The following VPS13B variants were observed in gnomAD, a reference collection of about 807,000 sequenced individuals.
VPS13B encodes the protein vacuolar protein sorting 13 homolog B.
A neutral mutation model predicts 426.4 loss-of-function variants in VPS13B; 285 were observed. That is an observed-to-expected ratio of 0.67 (90% CI 0.61 to 0.74). The LOEUF (loss-of-function observed/expected upper bound fraction) is 0.74, where lower values mean the gene tolerates loss of function less well. Among genes scored for constraint, VPS13B ranks in the 30% least tolerant of loss-of-function variants. The pLI, the probability that VPS13B is intolerant of heterozygous loss-of-function variation, is 0.00. For missense variants in VPS13B, 4,537 were observed against 4,782.6 expected (o/e 0.95, Z 1.51); for synonymous variants, 1,676 against 1,676.4 (o/e 1.00, Z 0.01).
At chr8:99,526,854 G>T (rs1190817975) in intron 30 of VPS13B, among the ~76,000 whole-genome samples, 2 of 152,106 alleles carry the variant, frequency 1.3e-5, no homozygotes, top group Admixed American at 1.3e-4. Flanking sequence ...TTGATAAAAT[G>T]TGGATTTTGA....
intron 17 of VPS13B, chr8:99,232,975 G>C (rs1816427739): frequency 1.4e-6 from 1 of 706,576 alleles, no homozygotes; most frequent in Non-Finnish European, 2.5e-6. Flanking sequence ...CTGGCTGGCT[G>C]TGTTTGGTCT....
At chr8:99,538,754 A>G (rs1439213033) in intron 30 of VPS13B, among the ~76,000 whole-genome samples, 1 of 152,172 alleles carries the variant, frequency 6.6e-6, no homozygotes, top group Non-Finnish European at 1.5e-5. Flanking sequence ...TATCTTACTT[A>G]TTGATTTCTT....
At chr8:99,738,380 T>C (rs1370396197) in intron 39 of VPS13B, among the ~76,000 whole-genome samples, 3 of 152,252 alleles carry the variant, frequency 2.0e-5, no homozygotes, top group Non-Finnish European at 4.4e-5. Flanking sequence ...AATCATGGTA[T>C]ATCTGTATAA....
chr8:99,508,361 G>A (rs1821611643), intron 28 of VPS13B, among the ~76,000 whole-genome samples: 1 of 152,146 alleles, frequency 6.6e-6, no homozygotes, highest in Admixed American at 6.5e-5. Flanking sequence ...TGATTAGGTA[G>A]ATGAACACAA....
intron 4 of VPS13B, among the ~76,000 whole-genome samples, chr8:99,096,929 C>T (rs1846457757): frequency 1.3e-5 from 2 of 152,076 alleles, no homozygotes; most frequent in African/African-American, 2.4e-5. Context: ...GTACTTTTAT[C>T]TTGAGACTCT....
At chr8:99,425,579 G>A (rs1200216811) in intron 21 of VPS13B, among the ~76,000 whole-genome samples, 3 of 152,112 alleles carry the variant, frequency 2.0e-5, no homozygotes, top group Non-Finnish European at 1.5e-5. Flanking sequence ...AATAATAAGA[G>A]CTATTTATGA....
intron 3 of VPS13B, among the ~76,000 whole-genome samples, chr8:99,068,424 G>A (rs1844660503): frequency 6.6e-6 from 1 of 152,122 alleles, no homozygotes; most frequent in Admixed American, 6.6e-5. Flanking sequence ...ATCAAACTAT[G>A]CCCCATGGGC....
chr8:99,503,791 G>T (rs1384509205), intron 27 of VPS13B, among the ~76,000 whole-genome samples: 1 of 152,116 alleles, frequency 6.6e-6, no homozygotes, highest in Non-Finnish European at 1.5e-5. Flanking sequence ...CCTCCAGTGA[G>T]GTCTTGAAAC....
rs1031328618 is a variant in VPS13B at position 99,871,019 on chromosome 8, G to A, written c.11495+132G>A. The A allele has an allele frequency of 1.8e-5, 16 of 912,450 alleles. No homozygotes were observed. In the African/African-American group the frequency reaches 2.5e-4, roughly 14 times the overall value. 56.5% of individuals were successfully genotyped at this position (912,450 alleles called of 1,614,324 possible). A position where few individuals can be genotyped will look rare whatever the true frequency, so the allele number is the denominator to read the frequency against. On this transcript the variant is annotated intron_variant, in intron 60 of 61. Coordinates refer to ENST00000357162, the MANE Select transcript of VPS13B (RefSeq NM_152564.5). ...GCCATTGTTGGCACTGGCATCTCAG[G>A]CAGCACAAGAGCACTGTAGAGGGAC...
At chr8:99,108,199 A>G (rs1165106979) in intron 5 of VPS13B, among the ~76,000 whole-genome samples, 1 of 152,176 alleles carries the variant, frequency 6.6e-6, no homozygotes, top group African/African-American at 2.4e-5. Flanking sequence ...ATGGCTATGT[A>G]GTATTCGATG....
At chr8:99,814,840 A>G (rs1813928524) in intron 44 of VPS13B, among the ~76,000 whole-genome samples, 1 of 152,172 alleles carries the variant, frequency 6.6e-6, no homozygotes, top group African/African-American at 2.4e-5. Context: ...TTATGTTATA[A>G]AGAGCAGCCC....
At chr8:99,608,639 A>G (rs905282158) in intron 33 of VPS13B, among the ~76,000 whole-genome samples, 1 of 152,146 alleles carries the variant, frequency 6.6e-6, no homozygotes, top group African/African-American at 2.4e-5. Context: ...AAGAAACCTC[A>G]TAACTACCCC....
chr8:99,381,894 A>C (rs1218876341), intron 19 of VPS13B, among the ~76,000 whole-genome samples: 1 of 152,020 alleles, frequency 6.6e-6, no homozygotes, highest in African/African-American at 2.4e-5. Context: ...TGTCATCATG[A>C]AATCTTTGCC....
chr8:99,163,406 C>T (rs1224244484), intron 15 of VPS13B, among the ~76,000 whole-genome samples: 2 of 152,240 alleles, frequency 1.3e-5, no homozygotes, highest in Non-Finnish European at 2.9e-5. Context: ...TCGCATTCCT[C>T]AGCCCTTGGG....
intron 34 of VPS13B, among the ~76,000 whole-genome samples, chr8:99,658,097 A>G (rs1037100557): frequency 1.7e-4 from 26 of 152,360 alleles, no homozygotes; most frequent in African/African-American, 6.2e-4. Context: ...GGAGGATTCA[A>G]CAGCTAAAGG....
intron 22 of VPS13B, among the ~76,000 whole-genome samples, chr8:99,432,158 T>C (rs1263947898): frequency 6.6e-6 from 1 of 152,124 alleles, no homozygotes; most frequent in East Asian, 1.9e-4. Context: ...TCTTATTGAA[T>C]TACTTTCTTT....
chr8:99,257,624 T>G (rs921331863), intron 17 of VPS13B, among the ~76,000 whole-genome samples: 2 of 152,194 alleles, frequency 1.3e-5, no homozygotes, highest in Non-Finnish European at 2.9e-5. Context: ...TATGACTTCT[T>G]TTATTTCTTT....
chr8:99,535,764 C>T (rs1588471484), intron 30 of VPS13B, among the ~76,000 whole-genome samples: 1 of 152,160 alleles, frequency 6.6e-6, no homozygotes, highest in East Asian at 1.9e-4. Context: ...TTTGGTAGTG[C>T]AAAGATAATC....
At chr8:99,061,138 A>G (rs557991665) in intron 3 of VPS13B, among the ~76,000 whole-genome samples, 1 of 152,250 alleles carries the variant, frequency 6.6e-6, no homozygotes, top group East Asian at 1.9e-4. Flanking sequence ...TCAATGTGTT[A>G]TCTGGCATTA....
Sources: allele counts gnomAD v4.1 joint callset (sites outside exome capture counted in the v4.1 genomes callset), GRCh38; gene constraint gnomAD v4.1.1; transcripts MANE v1.5; gene names NCBI Gene and HGNC (gene_info 2026-07-23, HGNC 2026-07-21).